SCFD2: variants seen among roughly 807,000 people sequenced by gnomAD.
SCFD2 encodes the protein sec1 family domain-containing protein 2.
SCFD2 carries 54 observed loss-of-function variants against 58.9 expected under a neutral mutation model. The ratio of observed to expected loss-of-function variants is 0.92; its 90% CI spans 0.74 to 1.15. The LOEUF (loss-of-function observed/expected upper bound fraction) is 1.15, where lower values mean the gene tolerates loss of function less well. SCFD2 is among the 50% of genes most tolerant of loss of function. The pLI, the probability that SCFD2 is intolerant of heterozygous loss-of-function variation, is 0.00. For synonymous variants in SCFD2, 321 were observed against 335.9 expected (o/e 0.96, Z 0.49); for missense variants, 805 against 836.6 (o/e 0.96, Z 0.47).
At chr4:52,997,325 A>G (rs1721762586) in intron 5 of SCFD2, among the ~76,000 whole-genome samples, 1 of 152,238 alleles carries the variant, frequency 6.6e-6, no homozygotes. Context: ...CACTTGGATC[A>G]AGGGATCAAA....
intron 7 of SCFD2, among the ~76,000 whole-genome samples, chr4:52,889,846 T>A (rs188776287): frequency 3.3e-5 from 5 of 152,306 alleles, no homozygotes; most frequent in African/African-American, 1.2e-4. Context: ...TTATACTTAC[T>A]CAACCATACA....
intron 4 of SCFD2, chr4:53,265,528 A>G (rs1301072816): frequency 6.6e-6 from 1 of 152,118 alleles, no homozygotes; most frequent in Non-Finnish European, 1.5e-5. Flanking sequence ...TCTTTTCTGT[A>G]TCATTCCAAT....
intron 4 of SCFD2, among the ~76,000 whole-genome samples, chr4:53,217,405 C>CTTCT: frequency 4.6e-5 from 7 of 150,734 alleles, no homozygotes; most frequent in Non-Finnish European, 8.9e-5. Context: ...ATATAATGGC[C>CTTCT]TTGTCTCTTT....
chr4:53,009,233 T>C (rs1315037244), intron 5 of SCFD2, among the ~76,000 whole-genome samples: 1 of 152,212 alleles, frequency 6.6e-6, no homozygotes, highest in Non-Finnish European at 1.5e-5. Context: ...TGTCATGGAT[T>C]AACTTCCTTC....
At chr4:53,258,417 G>A (rs1730715530) in intron 4 of SCFD2, among the ~76,000 whole-genome samples, 2 of 151,592 alleles carry the variant, frequency 1.3e-5, no homozygotes, top group South Asian at 4.2e-4. Flanking sequence ...AACATAAGAT[G>A]TTTGGTTTTC....
At chr4:53,032,498 A>G (rs1287513384) in intron 5 of SCFD2, among the ~76,000 whole-genome samples, 4 of 152,232 alleles carry the variant, frequency 2.6e-5, no homozygotes, top group Non-Finnish European at 4.4e-5. Context: ...CGACTAGCAA[A>G]TTGGATAAAG....
chr4:53,322,499 T>C (rs1445241380), intron 2 of SCFD2, among the ~76,000 whole-genome samples: 2 of 152,174 alleles, frequency 1.3e-5, no homozygotes, highest in African/African-American at 4.8e-5. Flanking sequence ...ATAGAGAGTA[T>C]TTGAGTTTCA....
intron 6 of SCFD2, 53 bp from the exon 7 acceptor site, chr4:52,907,644 AG>A (rs1444890593): frequency 4.4e-5 from 70 of 1,582,220 alleles, no homozygotes; most frequent in Non-Finnish European, 5.9e-5. Context: ...GTCTGGAGAG[AG>A]GACAGCTTTA....
chr4:53,343,263 A>C (rs886216961), intron 2 of SCFD2, among the ~76,000 whole-genome samples: 1 of 152,210 alleles, frequency 6.6e-6, no homozygotes, highest in Non-Finnish European at 1.5e-5. Context: ...AAAAATGATA[A>C]AGGGGTTATC....
intron 5 of SCFD2, among the ~76,000 whole-genome samples, chr4:53,140,779 C>A (rs957581724): frequency 1.3e-5 from 2 of 152,150 alleles, no homozygotes; most frequent in Non-Finnish European, 2.9e-5. Flanking sequence ...ATGGTTACCA[C>A]AGGTGAGGTT....
chr4:53,218,321 C>A (rs537874424), intron 4 of SCFD2, among the ~76,000 whole-genome samples: 1 of 152,212 alleles, frequency 6.6e-6, no homozygotes, highest in Non-Finnish European at 1.5e-5. Flanking sequence ...TCCCATATTT[C>A]TTGGAAGCTG....
intron 4 of SCFD2, among the ~76,000 whole-genome samples, chr4:53,233,556 T>C (rs956131410): frequency 1.3e-5 from 2 of 152,190 alleles, no homozygotes; most frequent in African/African-American, 4.8e-5. Flanking sequence ...TATCATTGCT[T>C]CTAAAGCAAG....
At chr4:52,969,969 T>G (rs1313075610) in intron 5 of SCFD2, among the ~76,000 whole-genome samples, 1 of 152,206 alleles carries the variant, frequency 6.6e-6, no homozygotes, top group African/African-American at 2.4e-5. Context: ...AGTTGCATTT[T>G]TTTCACTTAT....
intron 2 of SCFD2, among the ~76,000 whole-genome samples, chr4:53,324,208 G>A (rs1473516982): frequency 6.6e-6 from 1 of 152,018 alleles, no homozygotes; most frequent in African/African-American, 2.4e-5. Context: ...CTTGAGGCCA[G>A]AAGTTCAAGA....
At chr4:53,097,666 G>C (rs1481498797) in intron 5 of SCFD2, among the ~76,000 whole-genome samples, 2 of 152,202 alleles carry the variant, frequency 1.3e-5, no homozygotes, top group East Asian at 3.8e-4. Context: ...TGCAAAGAGA[G>C]ACAATTTGAC....
At chr4:53,082,090 T>C (rs1302830240) in intron 5 of SCFD2, among the ~76,000 whole-genome samples, 1 of 152,208 alleles carries the variant, frequency 6.6e-6, no homozygotes, top group Non-Finnish European at 1.5e-5. Context: ...TGTTAAACCA[T>C]TCATCAGTTG....
intron 4 of SCFD2, among the ~76,000 whole-genome samples, chr4:53,184,677 C>G (rs945889856): frequency 1.3e-5 from 2 of 152,028 alleles, no homozygotes; most frequent in African/African-American, 4.8e-5. Context: ...GCTGGTGAAC[C>G]ACTCTTAAGC....
intron 5 of SCFD2, chr4:52,956,271 T>C: frequency 2.2e-6 from 1 of 456,492 alleles, no homozygotes; most frequent in Non-Finnish European, 4.4e-6. Context: ...CCTTGGAGCC[T>C]GGAAGGGGAG....
At chr4:53,186,781 C>T (rs187640200) in intron 4 of SCFD2, among the ~76,000 whole-genome samples, 36 of 151,950 alleles carry the variant, frequency 2.4e-4, no homozygotes, top group Non-Finnish European at 4.4e-4. Flanking sequence ...TTCAAGGGAG[C>T]CAGCTCTGAG....
Sources: allele counts gnomAD v4.1 joint callset (sites outside exome capture counted in the v4.1 genomes callset), GRCh38; gene constraint gnomAD v4.1.1; transcripts MANE v1.5; gene names NCBI Gene and HGNC (gene_info 2026-07-23, HGNC 2026-07-21).